Variants in IL20RB observed in about 807,000 individuals in gnomAD.
IL20RB encodes interleukin 20 receptor subunit beta, also known as interleukin-20 receptor subunit beta.
IL20RB carries 21 observed loss-of-function variants against 33.3 expected under a neutral mutation model. The observed-to-expected ratio is 0.63, with a 90% CI of 0.45 to 0.91. The LOEUF is 0.91. Among genes scored for constraint, IL20RB ranks in the 40% least tolerant of loss-of-function variants. IL20RB has a pLI of 0.00. For missense variants in IL20RB, 345 were observed against 384.8 expected, an observed-to-expected ratio of 0.90 and a Z score of 0.86; for synonymous variants, 147 against 146.8, an observed-to-expected ratio of 1.00 and a Z score of -0.01.
chr3:136,985,656 G>A (rs776692826), intron 3 of IL20RB, among the ~76,000 whole-genome samples: 1 of 152,134 alleles, frequency 6.6e-6, no homozygotes, highest in Non-Finnish European at 1.5e-5. Context: ...CACTCTTAAA[G>A]GGAAACTTTT....
At chr3:137,008,157 A>G (rs1335197562) in intron 6 of IL20RB, among the ~76,000 whole-genome samples, 1 of 152,162 alleles carries the variant, frequency 6.6e-6, no homozygotes, top group Non-Finnish European at 1.5e-5. Flanking sequence ...GGTAGCAAGC[A>G]TAAAGATGGT....
intron 3 of IL20RB, 92 bp downstream of exon 3, chr3:136,982,442 A>G (rs1941800628): frequency 1.0e-6 from 1 of 983,334 alleles, no homozygotes; most frequent in Admixed American, 2.5e-5. Context: ...TTTTAGCATC[A>G]GAATAGTCCT....
At chr3:136,988,591 A>G (rs950471482) in intron 3 of IL20RB, among the ~76,000 whole-genome samples, 16 of 151,910 alleles carry the variant, frequency 1.1e-4, no homozygotes, top group Middle Eastern at 3.2e-3. Context: ...AATACAAAAA[A>G]CATTAGCTGA....
At chr3:136,972,161 C>G (rs1168263324) in intron 1 of IL20RB, among the ~76,000 whole-genome samples, 1 of 152,096 alleles carries the variant, frequency 6.6e-6, no homozygotes, top group Admixed American at 6.6e-5. Context: ...TACTTATGTC[C>G]TTAGCCCACT....
chr3:137,003,323 T>C (rs1362877033), intron 6 of IL20RB, among the ~76,000 whole-genome samples: 2 of 152,222 alleles, frequency 1.3e-5, no homozygotes, highest in African/African-American at 2.4e-5. Context: ...ATTGGTAGCT[T>C]GATGGGGATG....
At position 136,960,950 on chromosome 3, in the gene IL20RB, G is replaced by A. The variant is rs114128172; in HGVS notation, c.88+2749G>A. 7.3e-3 allele frequency among the ~76,000 whole-genome samples: 1,111 copies of A among 152,354 alleles called. 18 individuals carry two copies. The highest frequency in any genetic ancestry group is 0.026 in the African/African-American group (1,076 of 41,568). On this transcript the variant is annotated intron_variant, in intron 1 of 6. Coordinates refer to ENST00000329582, the MANE Select transcript of IL20RB (RefSeq NM_144717.4). ...AGGGAGTGGACATCAGGCCCACTGA[G>A]CGTCCTTCAGAGAAGAGATGCAAAG... is the stretch of plus-strand genomic sequence containing the variant.
intron 1 of IL20RB, among the ~76,000 whole-genome samples, chr3:136,963,237 A>C (rs539640274): frequency 1.4e-4 from 22 of 152,320 alleles, no homozygotes; most frequent in South Asian, 4.1e-4. Context: ...GGCCGATTCC[A>C]GCTTGACTGT....
chr3:137,009,324 C>T lies in IL20RB; in HGVS notation c.826-789C>T, dbSNP rs377306740. ...GCGAGTAATAGGTGGGAGAGTCCAC[C>T]TGAAAAGTTGATGTCTGCATGTTTA... On this transcript the variant is annotated intron_variant, in intron 6 of 6. Transcript: ENST00000329582. Among the ~76,000 whole-genome samples, 24 of 152,238 alleles carry T rather than the reference C, an allele frequency of 1.6e-4. No homozygotes were observed. The South Asian group carries it at 5.0e-3, about 32-fold the overall frequency.
chr3:136,996,310 A>G (rs560812684), intron 6 of IL20RB, among the ~76,000 whole-genome samples: 13 of 152,250 alleles, frequency 8.5e-5, no homozygotes, highest in Admixed American at 7.2e-4. Flanking sequence ...CCAGACCTCA[A>G]CCACACAAAG....
intron 1 of IL20RB, among the ~76,000 whole-genome samples, chr3:136,964,349 A>G (rs200598189): frequency 1.9e-4 from 19 of 97,824 alleles, no homozygotes; most frequent in Middle Eastern, 4.1e-3. Context: ...ATCCTCTCCA[A>G]CACCTGTTGT....
rs1577038547 is a variant in IL20RB, at chr3:137,010,460, C to T, written c.*237C>T. ...TGGGGGCTGCCACTTGCTGGCTGAG[C>T]AACCCTGGGAAAAGTGACTTCATCC... On this transcript the variant is annotated 3_prime_UTR_variant, in exon 7 of 7. Transcript: ENST00000329582. 2 of 445,026 alleles carry T rather than the reference C, an allele frequency of 4.5e-6. No homozygotes were observed. Among genetic ancestry groups the T allele is most frequent in the East Asian group, 7.2e-5 (2 of 27,926 alleles). 27.6% of individuals were successfully genotyped at this position (445,026 alleles called of 1,614,324 possible). A position where few individuals can be genotyped will look rare whatever the true frequency, so the allele number is the denominator to read the frequency against.
chr3:136,992,156 C>A, intron 5 of IL20RB, 68 bp downstream of exon 5: 1 of 1,528,828 alleles, frequency 6.5e-7, no homozygotes, highest in South Asian at 1.2e-5. Context: ...ATCTCAGAGG[C>A]CTGCTGGGTT....
At chr3:136,994,181 C>T (rs550267900) in intron 5 of IL20RB, among the ~76,000 whole-genome samples, 6 of 151,868 alleles carry the variant, frequency 4.0e-5, no homozygotes, top group Non-Finnish European at 8.8e-5. Flanking sequence ...ACGAAAAAAA[C>T]AGAAAGAATG....
Position 136,996,072 on chromosome 3 carries a change from T to C in IL20RB, c.825+516T>C, listed in dbSNP as rs191881891. Among the ~76,000 whole-genome samples, 328 of 152,306 alleles carry C rather than the reference T, an allele frequency of 2.2e-3. 1 individual carries two copies. The highest frequency in any genetic ancestry group is 7.4e-3 in the African/African-American group (306 of 41,576). Reference sequence around the variant, plus strand: ...AGGGTGGGGTGAAGGGACAGCAACCTGGACCTTGATAGTGACTGCCTGAGT... The same window carrying C: ...AGGGTGGGGTGAAGGGACAGCAACCCGGACCTTGATAGTGACTGCCTGAGT... On this transcript the variant is annotated intron_variant, in intron 6 of 6. Coordinates refer to ENST00000329582, the MANE Select transcript of IL20RB (RefSeq NM_144717.4).
Position 136,972,892 on chromosome 3 carries a change from A to C in IL20RB, c.89-7574A>C, listed in dbSNP as rs187299378. Among the ~76,000 whole-genome samples the C allele has an allele frequency of 7.9e-5, 12 of 151,214 alleles. No individual in the cohort carries two copies. The East Asian group carries it at 2.0e-3, about 25-fold the overall frequency. On this transcript the variant is annotated intron_variant, in intron 1 of 6. Coordinates refer to ENST00000329582, the MANE Select transcript of IL20RB (RefSeq NM_144717.4). ...CTTGAGATGCATTGTTAGATTGTTA[A>C]TTTTTAATCTTTCTACTTTTTCAAT...
chr3:136,961,811 T>C (rs1941223984), intron 1 of IL20RB, among the ~76,000 whole-genome samples: 1 of 152,206 alleles, frequency 6.6e-6, no homozygotes, highest in Non-Finnish European at 1.5e-5. Flanking sequence ...ATAGGAATGC[T>C]GTGTACTATC....
chr3:136,995,131 A>G (rs1942100773), intron 5 of IL20RB, among the ~76,000 whole-genome samples: 1 of 152,206 alleles, frequency 6.6e-6, no homozygotes, highest in Non-Finnish European at 1.5e-5. Flanking sequence ...GTGCTAACAC[A>G]GCAATTGGCT....
intron 3 of IL20RB, among the ~76,000 whole-genome samples, chr3:136,987,796 A>G (rs835638): frequency 0.59 from 89,184 of 152,122 alleles, 26,769 homozygotes; most frequent in East Asian, 0.91. Flanking sequence ...GCACTGCTGG[A>G]GGACCCAGTA....
At chr3:136,989,954 C>T (rs996190398) in intron 4 of IL20RB, among the ~76,000 whole-genome samples, 1 of 152,092 alleles carries the variant, frequency 6.6e-6, no homozygotes, top group African/African-American at 2.4e-5. Flanking sequence ...AAGCACACAA[C>T]GCTGGTACAA....
Sources: gnomAD v4.1 joint callset for allele counts (sites outside exome capture counted in the v4.1 genomes callset) on GRCh38, gnomAD v4.1.1 for gene constraint, MANE v1.5 for transcripts, NCBI Gene and HGNC (gene_info 2026-07-23, HGNC 2026-07-21) for gene names.